SVOPL: variants seen among roughly 807,000 people sequenced by gnomAD.
SVOPL encodes the protein putative transporter SVOPL.
A neutral mutation model predicts 61.0 loss-of-function variants in SVOPL; 60 were observed. The observed-to-expected ratio is 0.98, with a 90% CI of 0.80 to 1.22. The LOEUF is 1.22. Ranked by LOEUF, SVOPL falls within the 50% of genes most tolerant of loss-of-function variation. SVOPL has a pLI of 0.00. For missense variants in SVOPL, 662 were observed against 643.9 expected (o/e 1.03, Z -0.30); for synonymous variants, 279 against 250.0 (o/e 1.12, Z -1.09).
intron 1 of SVOPL, among the ~76,000 whole-genome samples, chr7:138,695,885 C>T (rs1380689678): frequency 1.3e-5 from 2 of 151,468 alleles, no homozygotes; most frequent in South Asian, 4.2e-4. Context: ...TGGGTTCAAG[C>T]GATTTTCCTG....
intron 1 of SVOPL, among the ~76,000 whole-genome samples, chr7:138,692,758 G>A (rs951723628): frequency 3.3e-5 from 5 of 152,140 alleles, no homozygotes; most frequent in Non-Finnish European, 2.9e-5. Context: ...CATAAAAAAA[G>A]GGGCTGTTTA....
chr7:138,662,720 G>A, intron 5 of SVOPL: 1 of 1,063,752 alleles, frequency 9.4e-7, no homozygotes, highest in Non-Finnish European at 1.1e-6. Context: ...CGTGGTGGGG[G>A]CATCTAACCA....
Position 138,678,420 on chromosome 7 carries a change from G to A in SVOPL, c.174+14C>T, listed in dbSNP as rs750108058. Reference sequence around the variant, plus strand: ...GTTTGACACTTTTCGTCAACATCTCGAAGGAGCACTCACCCCAGTACTGCC... The same window carrying A: ...GTTTGACACTTTTCGTCAACATCTCAAAGGAGCACTCACCCCAGTACTGCC... On this transcript the variant is annotated intron_variant, in intron 3 of 15. Transcript: ENST00000674285. 93 of 1,547,044 alleles carry A rather than the reference G, an allele frequency of 6.0e-5. No individual in the cohort carries two copies. The highest frequency in any genetic ancestry group is 1.7e-4 in the Middle Eastern group (1 of 5,966).
intron 9 of SVOPL, among the ~76,000 whole-genome samples, chr7:138,643,347 C>G (rs1185036266): frequency 6.7e-6 from 1 of 148,502 alleles, no homozygotes; most frequent in African/African-American, 2.6e-5. Context: ...ATTGCTTGAA[C>G]CAGGGAGTCG....
In SVOPL at chr7:138,644,722, C is replaced by G. The variant is rs143599875; in HGVS notation, c.784G>C (p.Val262Leu). 5.0e-6 allele frequency: 8 copies of G among 1,614,040 alleles called. No homozygotes were observed. The highest frequency in any genetic ancestry group is 5.9e-6 in the Non-Finnish European group (7 of 1,179,970). ...VMPEGKLVEPVLEKRGRFADL... is the reference protein window; with the variant it reads ...VMPEGKLVEPLLEKRGRFADL... ...CCTCGGGGGCCAGCACTCACCAGGA[C>G]GGGCTCCACCAGCTTCCCCTCCGGC... Residue 262 changes from valine (V) to leucine (L), a missense_variant, in exon 9 of 16, where the codon GTC (valine) becomes CTC (leucine). Transcript: ENST00000674285.
At chr7:138,698,176 G>A (rs28631509) in intron 1 of SVOPL, among the ~76,000 whole-genome samples, 1 of 53,720 alleles carries the variant, frequency 1.9e-5, no homozygotes, top group Non-Finnish European at 3.1e-5. Flanking sequence ...GAAGGAGGGG[G>A]AAGGAAGAAA....
rs374073300 is a variant in SVOPL at position 138,627,337 on chromosome 7, A to T, written c.1181+13T>A. The T allele has an allele frequency of 1.3e-6, 2 of 1,596,480 alleles. No homozygotes were observed. The highest frequency in any genetic ancestry group is 1.3e-5 in the African/African-American group (1 of 74,658). The stretch of plus-strand genomic sequence containing the variant: ...CCACTGCACAAAATCTGAAGCAATT[A>T]AACAGAAAATACCTTGAAGTGCAAA... On this transcript the variant is annotated intron_variant, in intron 12 of 15. Transcript: ENST00000674285.
chr7:138,655,573 A>G (rs913563369), intron 7 of SVOPL, among the ~76,000 whole-genome samples: 6 of 150,682 alleles, frequency 4.0e-5, no homozygotes, highest in East Asian at 1.9e-4. Context: ...ACACACACGC[A>G]CACACACACA....
intron 3 of SVOPL, among the ~76,000 whole-genome samples, chr7:138,677,172 G>A (rs1235452981): frequency 1.3e-5 from 2 of 152,078 alleles, no homozygotes; most frequent in African/African-American, 4.8e-5. Flanking sequence ...CCAAAGTGCT[G>A]GGATTACAGG....
chr7:138,611,856 T>A (rs1364385631), intron 14 of SVOPL, among the ~76,000 whole-genome samples: 10 of 66,774 alleles, frequency 1.5e-4, no homozygotes, highest in Admixed American at 7.2e-4. Context: ...AGTGCCGAGA[T>A]TGCAGCCTCT....
intron 9 of SVOPL, among the ~76,000 whole-genome samples, chr7:138,641,039 C>T (rs1237853410): frequency 2.0e-5 from 3 of 151,904 alleles, no homozygotes; most frequent in African/African-American, 7.3e-5. Flanking sequence ...TCCATGTTTA[C>T]AAGAAATTTA....
intron 1 of SVOPL, among the ~76,000 whole-genome samples, chr7:138,700,335 C>CTTTTTTTTTT (rs776461183): frequency 1.0e-5 from 1 of 99,768 alleles, no homozygotes; most frequent in Non-Finnish European, 1.9e-5. Context: ...TTCCGTATGT[C>CTTTTTTTTTT]TTTTTTTTTT....
At chr7:138,660,327 G>T (rs2117075131) in intron 5 of SVOPL, 1 of 1,046,746 alleles carries the variant, frequency 9.6e-7, no homozygotes, top group South Asian at 3.7e-5. Context: ...CAGTATGTTG[G>T]GAGGAGTACA....
Position 138,644,704 on chromosome 7 carries a change from G to T in SVOPL, c.789+13C>A. 6.2e-7 allele frequency: 1 copy of T among 1,613,570 alleles called. No individual in the cohort carries two copies. The highest frequency in any genetic ancestry group is 8.5e-7 in the Non-Finnish European group (1 of 1,179,810). ...ACTGGTGATAGGAGAAGACCTCGGG[G>T]GCCAGCACTCACCAGGACGGGCTCC... On this transcript the variant is annotated intron_variant, in intron 9 of 15. Transcript: ENST00000674285.
At chr7:138,622,258 C>G (rs796647443) in intron 13 of SVOPL, among the ~76,000 whole-genome samples, 16 of 87,546 alleles carry the variant, frequency 1.8e-4, no homozygotes, top group Non-Finnish European at 2.3e-4. Flanking sequence ...ATCTATGTAT[C>G]TATCTATCTA....
At chr7:138,597,128 A>T (rs1798312010) in intron 14 of SVOPL, 1 of 1,282,838 alleles carries the variant, frequency 7.8e-7, no homozygotes, top group South Asian at 1.3e-5. Flanking sequence ...TTTCACGCAG[A>T]TACTGGTAAT....
chr7:138,654,499 T>C (rs1045218812), intron 7 of SVOPL, among the ~76,000 whole-genome samples: 8 of 87,384 alleles, frequency 9.2e-5, no homozygotes, highest in Admixed American at 9.1e-4. Flanking sequence ...TTACTGAGTT[T>C]GTTTTTTTTT....
rs142204156 is a variant in SVOPL at position 138,620,231 on chromosome 7, G to A, written c.1353+815C>T. ...TGCCTCCCGGGTTCGAGTGATTCTCGTGCCTCAGCCTCCTGAGTAGCTGGG... is the reference window on the plus strand; with the variant it reads ...TGCCTCCCGGGTTCGAGTGATTCTCATGCCTCAGCCTCCTGAGTAGCTGGG... On this transcript the variant is annotated intron_variant, in intron 14 of 15. Coordinates refer to ENST00000674285, the MANE Select transcript of SVOPL (RefSeq NM_001139456.2). 1.5e-4 allele frequency among the ~76,000 whole-genome samples: 22 copies of A among 142,698 alleles called. No homozygotes were observed. The East Asian group carries it at 4.2e-3, about 27-fold the overall frequency. 93.6% of individuals were successfully genotyped at this position (142,698 alleles called of 152,430 possible). A position where few individuals can be genotyped will look rare whatever the true frequency, so the allele number is the denominator to read the frequency against.
intron 14 of SVOPL, among the ~76,000 whole-genome samples, chr7:138,614,392 CTTTT>C (rs528123598): frequency 5.1e-5 from 7 of 137,926 alleles, no homozygotes; most frequent in South Asian, 2.4e-4. Flanking sequence ...AGCATTTCAA[CTTTT>C]TTTTTTTTTT....
Sources: allele counts gnomAD v4.1 joint callset (sites outside exome capture counted in the v4.1 genomes callset), GRCh38; gene constraint gnomAD v4.1.1; transcripts MANE v1.5; gene names NCBI Gene and HGNC (gene_info 2026-07-23, HGNC 2026-07-21).